Variants in PTPRT observed in about 807,000 individuals in gnomAD.
PTPRT encodes protein tyrosine phosphatase receptor type T.
Under a neutral mutation model 176.8 loss-of-function variants are expected in PTPRT, and 56 were observed. The observed-to-expected ratio is 0.32, with a 90% CI of 0.26 to 0.40. The LOEUF is 0.40. Among genes scored for constraint, PTPRT ranks in the 10% least tolerant of loss-of-function variants. PTPRT has a pLI of 1.00. For synonymous variants in PTPRT, 783 were observed against 739.0 expected, an observed-to-expected ratio of 1.06 and a Z score of -0.96; for missense variants, 1,540 against 1,908.2, an observed-to-expected ratio of 0.81 and a Z score of 3.60.
intron 16 of PTPRT, among the ~76,000 whole-genome samples, chr20:42,193,143 A>T (rs1991064481): frequency 6.6e-6 from 1 of 152,240 alleles, no homozygotes; most frequent in Non-Finnish European, 1.5e-5. Context: ...GACTTCAAGA[A>T]GATCTTTTAA....
At chr20:42,989,517 AG>A (rs2146103930) in intron 1 of PTPRT, among the ~76,000 whole-genome samples, 1 of 152,200 alleles carries the variant, frequency 6.6e-6, no homozygotes, top group East Asian at 1.9e-4. Context: ...GAGGCTGACA[AG>A]GACTGCCCAG....
At chr20:42,982,995 C>T (rs1983368691) in intron 1 of PTPRT, among the ~76,000 whole-genome samples, 1 of 152,184 alleles carries the variant, frequency 6.6e-6, no homozygotes, top group Admixed American at 6.5e-5. Context: ...GGTCAGCAAG[C>T]AGCTGCCAGT....
intron 1 of PTPRT, among the ~76,000 whole-genome samples, chr20:43,078,787 G>T (rs898060711): frequency 1.3e-5 from 2 of 152,120 alleles, no homozygotes; most frequent in Admixed American, 6.5e-5. Flanking sequence ...TACTTTTCTG[G>T]CAAAAGAATC....
rs68036487 is a variant in PTPRT, at chr20:42,648,820, G to GTTTTTTTTTTT, written c.1153+29035_1153+29045dup. The stretch of plus-strand genomic sequence containing the variant: ...GGGGATTTTTTTTTTTGGTGTCGTT[G>GTTTTTTTTTTT]TTTTTTTTTTTTTTTTTTGACAGAG... On this transcript the variant is annotated intron_variant, in intron 7 of 30. Coordinates refer to ENST00000373187, the MANE Select transcript of PTPRT (RefSeq NM_007050.6). 4.5e-5 allele frequency among the ~76,000 whole-genome samples: 5 copies of GTTTTTTTTTTT among 111,838 alleles called. No individual in the cohort carries two copies. In the East Asian group the frequency reaches 7.6e-4, roughly 17 times the overall value. 73.4% of individuals were successfully genotyped at this position (111,838 alleles called of 152,430 possible).
intron 1 of PTPRT, among the ~76,000 whole-genome samples, chr20:43,134,981 C>T (rs536939845): frequency 2.8e-4 from 43 of 152,302 alleles, no homozygotes; most frequent in African/African-American, 9.9e-4. Context: ...TAGCACCCAC[C>T]GCCACCATTC....
At chr20:42,954,501 C>G (rs1332708473) in intron 1 of PTPRT, among the ~76,000 whole-genome samples, 1 of 152,158 alleles carries the variant, frequency 6.6e-6, no homozygotes, top group Non-Finnish European at 1.5e-5. Context: ...GTTTGCCTAT[C>G]AGACAGCTCT....
intron 9 of PTPRT, among the ~76,000 whole-genome samples, chr20:42,409,783 T>G (rs1446284687): frequency 6.6e-6 from 1 of 152,254 alleles, no homozygotes; most frequent in Non-Finnish European, 1.5e-5. Context: ...TGTAAAGTTT[T>G]GTTAGAATAT....
chr20:42,775,941 G>A (rs928151186), intron 4 of PTPRT, among the ~76,000 whole-genome samples: 5 of 152,300 alleles, frequency 3.3e-5, no homozygotes, highest in Non-Finnish European at 7.4e-5. Context: ...TCTAAGACTG[G>A]AGGCTGGGGA....
intron 1 of PTPRT, among the ~76,000 whole-genome samples, chr20:43,008,819 CAAAGAAAG>C (rs1312010780): frequency 2.6e-5 from 4 of 152,184 alleles, no homozygotes; most frequent in Non-Finnish European, 5.9e-5. Context: ...CAGAGAGCCA[CAAAGAAAG>C]AAAGTCTAAT....
At chr20:42,313,527 C>T (rs1428927276) in intron 12 of PTPRT, among the ~76,000 whole-genome samples, 1 of 152,066 alleles carries the variant, frequency 6.6e-6, no homozygotes, top group Non-Finnish European at 1.5e-5. Flanking sequence ...GGTTCTATAG[C>T]CATGCTCTAT....
chr20:42,876,423 T>C (rs967609927), intron 2 of PTPRT, among the ~76,000 whole-genome samples: 1 of 152,164 alleles, frequency 6.6e-6, no homozygotes, highest in African/African-American at 2.4e-5. Flanking sequence ...TCACAAGCAG[T>C]GCCACACATT....
At chr20:42,404,409 C>T (rs1210115736) in intron 9 of PTPRT, among the ~76,000 whole-genome samples, 1 of 152,130 alleles carries the variant, frequency 6.6e-6, no homozygotes, top group Non-Finnish European at 1.5e-5. Context: ...TTCATTCAAC[C>T]ATCATTCTTA....
chr20:43,079,217 TCCCCC>T (rs1176906811), intron 1 of PTPRT, among the ~76,000 whole-genome samples: 1 of 105,454 alleles, frequency 9.5e-6, no homozygotes, highest in Non-Finnish European at 1.8e-5. Context: ...TATTTCTCTC[TCCCCC>T]CTGTCCTCTA....
At chr20:42,841,584 G>A (rs950916394) in intron 2 of PTPRT, among the ~76,000 whole-genome samples, 3 of 149,870 alleles carry the variant, frequency 2.0e-5, no homozygotes, top group African/African-American at 4.9e-5. Context: ...CGTCAGGTTT[G>A]ACAGCCAAAT....
intron 7 of PTPRT, among the ~76,000 whole-genome samples, chr20:42,592,764 C>T (rs1257055630): frequency 6.6e-6 from 1 of 152,186 alleles, no homozygotes; most frequent in Non-Finnish European, 1.5e-5. Context: ...TTCCTGGTTT[C>T]CATCATGAGG....
chr20:42,895,505 C>T (rs992812595), intron 1 of PTPRT, among the ~76,000 whole-genome samples: 3 of 152,078 alleles, frequency 2.0e-5, no homozygotes, highest in African/African-American at 7.2e-5. Flanking sequence ...ATGCACAGTC[C>T]ACGCAAGGAG....
At chr20:42,981,569 T>G (rs1983273882) in intron 1 of PTPRT, among the ~76,000 whole-genome samples, 1 of 152,204 alleles carries the variant, frequency 6.6e-6, no homozygotes, top group Non-Finnish European at 1.5e-5. Context: ...GAACCTGACC[T>G]AGCCTGCTGG....
intron 1 of PTPRT, among the ~76,000 whole-genome samples, chr20:43,090,350 C>T (rs1024237248): frequency 1.3e-5 from 2 of 151,564 alleles, no homozygotes; most frequent in Admixed American, 1.3e-4. Flanking sequence ...TCACTGCAAG[C>T]TCCGCCTCCC....
intron 2 of PTPRT, among the ~76,000 whole-genome samples, chr20:42,823,894 A>C (rs1248556042): frequency 6.6e-6 from 1 of 152,074 alleles, no homozygotes; most frequent in Non-Finnish European, 1.5e-5. Context: ...TCAACTCAAA[A>C]ACTTGCAGTA....
Sources: allele counts gnomAD v4.1 joint callset (sites outside exome capture counted in the v4.1 genomes callset), GRCh38; gene constraint gnomAD v4.1.1; transcripts MANE v1.5; gene names NCBI Gene and HGNC (gene_info 2026-07-23, HGNC 2026-07-21).